Variants in TRMU observed in about 807,000 individuals in gnomAD.
TRMU encodes mitochondrial tRNA-specific 2-thiouridylase 1.
Under a neutral mutation model 46.9 loss-of-function variants are expected in TRMU, and 49 were observed. The ratio of observed to expected loss-of-function variants is 1.05; its 90% CI spans 0.83 to 1.33. The LOEUF (loss-of-function observed/expected upper bound fraction) is 1.33, where lower values mean the gene tolerates loss of function less well. Among genes scored for constraint, TRMU ranks in the 40% most tolerant of loss-of-function variants. The pLI, the probability that TRMU is intolerant of heterozygous loss-of-function variation, is 0.00. For missense variants in TRMU, 572 were observed against 532.4 expected (o/e 1.07, Z -0.73); for synonymous variants, 241 against 200.9 (o/e 1.20, Z -1.69).
At position 46,357,306 on chromosome 22, in the gene TRMU, C is replaced by T. The variant is rs1001701839; in HGVS notation, c.*300C>T. The stretch of plus-strand genomic sequence containing the variant: ...CGAGGGGACCTGCAGAGGGGGCTGT[C>T]GGGACAGCGTGGAATAAACATTATT... On this transcript the variant is annotated 3_prime_UTR_variant, in exon 11 of 11. Coordinates refer to ENST00000645190, the MANE Select transcript of TRMU (RefSeq NM_018006.5). 5.9e-6 allele frequency: 3 copies of T among 510,914 alleles called. No individual in the cohort carries two copies. Among genetic ancestry groups the T allele is most frequent in the East Asian group, 7.2e-5 (2 of 27,646 alleles). 31.6% of individuals were successfully genotyped at this position (510,914 alleles called of 1,614,324 possible). A position where few individuals can be genotyped will look rare whatever the true frequency, so the allele number is the denominator to read the frequency against.
rs752204673 is a variant in TRMU, at chr22:46,346,543, T to G, written c.477T>G (p.Asn159Lys). Residue 159 changes from asparagine (N) to lysine (K), a missense_variant and splice_region_variant, in exon 4 of 11, where the codon AAT becomes AAG. By Grantham distance (94) the Asn-to-Lys change is moderately conservative. Coordinates refer to ENST00000645190, the MANE Select transcript of TRMU (RefSeq NM_018006.5). Reference protein sequence around the residue: ...GLFRNRFEVRNAVKLLQAADS... With the variant: ...GLFRNRFEVRKAVKLLQAADS... ...TCAGAAATCGGTTTGAAGTTAGAAA[T>G]GGTAAGTTCATGTGCCCAGGTCAGA... 5 of 1,610,204 alleles carry G rather than the reference T, an allele frequency of 3.1e-6. 1 individual carries two copies. The South Asian group carries it at 5.5e-5, about 18-fold the overall frequency.
rs528556034 is a variant in TRMU, at chr22:46,344,349, C to G, written c.355+981C>G. On this transcript the variant is annotated intron_variant, in intron 3 of 10. Transcript: ENST00000645190. The stretch of plus-strand genomic sequence containing the variant: ...TCCCCTGTGGTCCGTCCTGGTTAGA[C>G]CGTATTAGTTATTCAGGAAAAGAGT... Among the ~76,000 whole-genome samples the G allele has an allele frequency of 9.9e-5, 15 of 152,270 alleles. No homozygotes were observed. The East Asian group carries it at 2.5e-3, about 25-fold the overall frequency.
At position 46,346,555 on chromosome 22, in the gene TRMU, G is replaced by A; in HGVS notation, c.478+11G>A. On this transcript the variant is annotated intron_variant, in intron 4 of 10. Transcript: ENST00000645190. ...TTGAAGTTAGAAATGGTAAGTTCAT[G>A]TGCCCAGGTCAGAGCCAAATTCTTG... The A allele has an allele frequency of 1.2e-6, 2 of 1,608,314 alleles. No homozygotes were observed. The highest frequency in any genetic ancestry group is 1.7e-4 in the Middle Eastern group (1 of 6,018).
rs1484171560 is a variant in TRMU at position 46,342,513 on chromosome 22, T to G, written c.249-749T>G. 6.6e-6 allele frequency among the ~76,000 whole-genome samples: 1 copy of G among 152,190 alleles called. No homozygotes were observed. The highest frequency in any genetic ancestry group is 1.5e-5 in the Non-Finnish European group (1 of 68,030). On this transcript the variant is annotated intron_variant, in intron 2 of 10. Coordinates refer to ENST00000645190, the MANE Select transcript of TRMU (RefSeq NM_018006.5). This position sits in a 1 kb window ranked among gnomAD's most constrained non-coding sequence, Gnocchi z 4.7. Reference sequence around the variant, plus strand: ...TCCCCCAGGATATACAGTGGGACTGTGTCTGGGGAGGGTCTTAAGACCCAC... The same window carrying G: ...TCCCCCAGGATATACAGTGGGACTGGGTCTGGGGAGGGTCTTAAGACCCAC...
intron 2 of TRMU, among the ~76,000 whole-genome samples, chr22:46,340,839 A>G (rs930524478): frequency 1.3e-5 from 2 of 152,310 alleles, no homozygotes; most frequent in African/African-American, 4.8e-5. Flanking sequence ...GGACTGAGAG[A>G]AGGAGGCGGC....
At position 46,350,947 on chromosome 22, in the gene TRMU, C is replaced by T. The variant is rs1365798091; in HGVS notation, c.651+484C>T. 1.3e-5 allele frequency among the ~76,000 whole-genome samples: 2 copies of T among 152,236 alleles called. No individual in the cohort carries two copies. The highest frequency in any genetic ancestry group is 6.5e-5 in the Admixed American group (1 of 15,288). On this transcript the variant is annotated intron_variant, in intron 5 of 10. Coordinates refer to ENST00000645190, the MANE Select transcript of TRMU (RefSeq NM_018006.5). This position sits in a 1 kb window ranked among gnomAD's most constrained non-coding sequence, Gnocchi z 4.6. ...GGTGACGCGCACACAGTTCCATCTT[C>T]GCCTCCATGGAGCCCGCCCGCGAGT... is the stretch of plus-strand genomic sequence containing the variant.
intron 2 of TRMU, among the ~76,000 whole-genome samples, chr22:46,340,065 G>T (rs994481131): frequency 6.6e-6 from 1 of 152,106 alleles, no homozygotes; most frequent in Non-Finnish European, 1.5e-5. Flanking sequence ...AGTGGAAGGT[G>T]AGGGCTGGCT....
Position 46,356,964 on chromosome 22 carries a change from T to G in TRMU, c.1224T>G (p.Ser408Arg). 1 of 1,613,500 alleles carries G rather than the reference T, an allele frequency of 6.2e-7. No individual in the cohort carries two copies. Among genetic ancestry groups the G allele is most frequent in the Non-Finnish European group, 8.5e-7 (1 of 1,179,982 alleles). Residue 408 changes from serine to arginine, a missense_variant, in exon 11 of 11, where the codon AGT becomes AGG. Coordinates refer to ENST00000645190, the MANE Select transcript of TRMU (RefSeq NM_018006.5). ...RRAGMATESP[S>R]DSPEDGPGLS... Reference sequence around the variant, plus strand: ...CTGGGATGGCCACTGAGAGCCCCAGTGACAGCCCAGAAGATGGTCCAGGCC... The same window carrying G: ...CTGGGATGGCCACTGAGAGCCCCAGGGACAGCCCAGAAGATGGTCCAGGCC...
rs1189881586 is a variant in TRMU, at chr22:46,338,098, C to T, written c.248+154C>T. Reference sequence around the variant, plus strand: ...GACTGCAAGAGGCCTCAGCCACCCTCGGGGCTCTGTGTTAGAGGCGAGGCC... The same window carrying T: ...GACTGCAAGAGGCCTCAGCCACCCTTGGGGCTCTGTGTTAGAGGCGAGGCC... On this transcript the variant is annotated intron_variant, in intron 2 of 10. Coordinates refer to ENST00000645190, the MANE Select transcript of TRMU (RefSeq NM_018006.5). The surrounding 1 kb of genome is among the most constrained non-coding windows in gnomAD (Gnocchi z 4.5). The T allele has an allele frequency of 1.1e-5, 11 of 1,043,220 alleles. No homozygotes were observed. The highest frequency in any genetic ancestry group is 3.1e-5 in the African/African-American group (2 of 63,964). The allele number at this position is 1,043,220 out of a possible 1,614,324, so 64.6% of individuals were successfully genotyped here. A position where few individuals can be genotyped will look rare whatever the true frequency, so the allele number is the denominator to read the frequency against.
intron 4 of TRMU, among the ~76,000 whole-genome samples, chr22:46,346,766 G>T (rs1362439253): frequency 1.3e-5 from 2 of 152,236 alleles, no homozygotes; most frequent in African/African-American, 4.8e-5. Flanking sequence ...GCCATGGTGA[G>T]GGCTGGTGGA....
Position 46,356,890 on chromosome 22 carries a change from C to T in TRMU, c.1150C>T (p.Leu384=), listed in dbSNP as rs996661864. ...GDECLGSGKI[L]RLGPSAYTLQ... Reference sequence around the variant, plus strand: ...CGAGTGCCTGGGCAGCGGGAAGATCCTGCGGCTGGGGCCGTCTGCCTACAC... The same window carrying T: ...CGAGTGCCTGGGCAGCGGGAAGATCTTGCGGCTGGGGCCGTCTGCCTACAC... The change falls in exon 11 of 11, where the codon CTG becomes TTG. Residue 384 remains leucine, a synonymous_variant. Coordinates refer to ENST00000645190, the MANE Select transcript of TRMU (RefSeq NM_018006.5). 1.9e-6 allele frequency: 3 copies of T among 1,613,434 alleles called. No individual in the cohort carries two copies. Among genetic ancestry groups the T allele is most frequent in the Non-Finnish European group, 2.5e-6 (3 of 1,180,012 alleles).
rs1006783574 is a variant in TRMU at position 46,346,875 on chromosome 22, T to C, written c.478+331T>C. Reference sequence around the variant, plus strand: ...AAATATTTGACAGTGATAATTGGGGTGCTGTCAGTCTAGCCAAGGACCTGT... The same window carrying C: ...AAATATTTGACAGTGATAATTGGGGCGCTGTCAGTCTAGCCAAGGACCTGT... On this transcript the variant is annotated intron_variant, in intron 4 of 10. Transcript: ENST00000645190. Among the ~76,000 whole-genome samples the C allele has an allele frequency of 3.3e-5, 5 of 152,348 alleles. No homozygotes were observed. The East Asian group carries it at 7.7e-4, about 24-fold the overall frequency.
At chr22:46,340,264 G>T (rs568042589) in intron 2 of TRMU, among the ~76,000 whole-genome samples, 39 of 152,322 alleles carry the variant, frequency 2.6e-4, no homozygotes, top group African/African-American at 9.4e-4. Context: ...ACTGATGTGT[G>T]TGGGAGACCA....
chr22:46,353,413 A>G lies in TRMU; in HGVS notation c.773-354A>G, dbSNP rs1173017709. ...TTAGATGGACACTGTGAAGACGTGC[A>G]GCTATGTCATGGGCTCAGCAAGAAG... On this transcript the variant is annotated intron_variant, in intron 7 of 10. Transcript: ENST00000645190. The G allele has an allele frequency of 6.7e-5, 23 of 345,128 alleles. No individual in the cohort carries two copies. The Admixed American group carries it at 7.3e-4, about 11-fold the overall frequency. The allele number at this position is 345,128 out of a possible 1,614,324, so 21.4% of individuals were successfully genotyped here. A position where few individuals can be genotyped will look rare whatever the true frequency, so the allele number is the denominator to read the frequency against.
At chr22:46,355,887 A>AG (rs760769337) in intron 9 of TRMU, 103 bp from the exon 10 acceptor site, 648 of 1,330,478 alleles carry the variant, frequency 4.9e-4, no homozygotes, top group Non-Finnish European at 6.4e-4. Flanking sequence ...CCCTCTAAGC[A>AG]GGGGTTTTTG....
chr22:46,346,017 C>T (rs1032541160), intron 3 of TRMU, among the ~76,000 whole-genome samples: 1 of 152,098 alleles, frequency 6.6e-6, no homozygotes, highest in Non-Finnish European at 1.5e-5. Flanking sequence ...ATCATCTGCC[C>T]GCCTCGGCCT....
At position 46,336,205 on chromosome 22, in the gene TRMU, G is replaced by A. The variant is rs1358280743; in HGVS notation, c.82+359G>A. On this transcript the variant is annotated intron_variant, in intron 1 of 10. Transcript: ENST00000645190. The surrounding 1 kb of genome is among the most constrained non-coding windows in gnomAD (Gnocchi z 4.1). The stretch of plus-strand genomic sequence containing the variant: ...TGTGAGACCGTGGACACTGGTGAGG[G>A]GAGCTGGGATCGCCGGGCCGGGGGC... 1 of 1,106,148 alleles carries A rather than the reference G, an allele frequency of 9.0e-7. No homozygotes were observed. Among genetic ancestry groups the A allele is most frequent in the Non-Finnish European group, 1.1e-6 (1 of 891,938 alleles). The allele number at this position is 1,106,148 out of a possible 1,614,324, so 68.5% of individuals were successfully genotyped here. A position where few individuals can be genotyped will look rare whatever the true frequency, so the allele number is the denominator to read the frequency against.
At chr22:46,355,387 G>C in intron 8 of TRMU, 57 bp from the exon 9 acceptor site, 2 of 1,596,544 alleles carry the variant, frequency 1.3e-6, no homozygotes, top group Non-Finnish European at 1.7e-6. Flanking sequence ...CCACACTGAG[G>C]CCGGCCTTGG....
intron 7 of TRMU, chr22:46,352,715 G>T: frequency 2.8e-6 from 1 of 356,684 alleles, no homozygotes; most frequent in East Asian, 7.1e-5. Flanking sequence ...TGGTGTGAAT[G>T]ATTAAGGACC....
Sources: gnomAD v4.1 joint callset for allele counts (sites outside exome capture counted in the v4.1 genomes callset) on GRCh38, gnomAD v4.1.1 for gene constraint, Gnocchi (gnomAD v3.1) non-coding constraint, MANE v1.5 for transcripts, NCBI Gene and HGNC (gene_info 2026-07-23, HGNC 2026-07-21) for gene names.